The following EIF3J variants were observed in gnomAD, a reference collection of about 807,000 sequenced individuals.
The protein encoded by EIF3J is eukaryotic translation initiation factor 3, subunit 1 (alpha, 35kD).
Under a neutral mutation model 39.0 loss-of-function variants are expected in EIF3J, and 15 were observed. That is an observed-to-expected ratio of 0.38 (90% CI 0.26 to 0.59). The LOEUF is 0.59. EIF3J is among the 20% of genes least tolerant of loss of function. EIF3J has a pLI of 0.60. For synonymous variants in EIF3J, 98 were observed against 112.9 expected, an observed-to-expected ratio of 0.87 and a Z score of 0.84; for missense variants, 226 against 308.6, an observed-to-expected ratio of 0.73 and a Z score of 2.00.
intron 2 of EIF3J, among the ~76,000 whole-genome samples, chr15:44,546,965 G>A (rs890474692): frequency 2.6e-5 from 4 of 151,442 alleles, no homozygotes; most frequent in Admixed American, 2.6e-4. Flanking sequence ...AGGATTACGG[G>A]CGTGCACCAC....
At chr15:44,558,639 C>T (rs554617776) in intron 6 of EIF3J, 27 of 152,156 alleles carry the variant, frequency 1.8e-4, no homozygotes, top group African/African-American at 6.3e-4. Context: ...GGGGTTTCAC[C>T]ATGTTGGCCA....
intron 4 of EIF3J, among the ~76,000 whole-genome samples, chr15:44,553,416 C>T (rs573833283): frequency 6.6e-6 from 1 of 151,730 alleles, no homozygotes; most frequent in African/African-American, 2.4e-5. Context: ...GGTGTGAACT[C>T]AGGAGGCGGA....
chr15:44,542,710 C>T (rs1595798690), intron 2 of EIF3J, among the ~76,000 whole-genome samples: 2 of 152,314 alleles, frequency 1.3e-5, no homozygotes, highest in African/African-American at 4.8e-5. Context: ...CCATCTCTTT[C>T]ATAGAAATAG....
chr15:44,558,460 C>T (rs2082163033), intron 6 of EIF3J, among the ~76,000 whole-genome samples: 2 of 147,478 alleles, frequency 1.4e-5, no homozygotes, highest in South Asian at 4.8e-4. Flanking sequence ...ACCTGGGAGG[C>T]AAAGCTTGCA....
At chr15:44,551,661 C>A in intron 4 of EIF3J, 139 bp downstream of exon 4, 1 of 629,592 alleles carries the variant, frequency 1.6e-6, no homozygotes. Context: ...AAATCCAAAA[C>A]AAATTGATTT....
intron 2 of EIF3J, among the ~76,000 whole-genome samples, chr15:44,548,043 A>T (rs1448873949): frequency 6.6e-6 from 1 of 152,206 alleles, no homozygotes; most frequent in Non-Finnish European, 1.5e-5. Context: ...AAAACATGCA[A>T]GAAAGGCCAA....
intron 3 of EIF3J, 102 bp downstream of exon 3, chr15:44,551,032 G>C (rs902373680): frequency 2.7e-6 from 4 of 1,464,828 alleles, no homozygotes; most frequent in Middle Eastern, 1.8e-4. Flanking sequence ...GGAACATTTT[G>C]GTATTTAGAA....
At chr15:44,544,105 T>TTA in intron 2 of EIF3J, among the ~76,000 whole-genome samples, 1 of 148,800 alleles carries the variant, frequency 6.7e-6, no homozygotes, top group Non-Finnish European at 1.5e-5. Context: ...TTTCTTTTTT[T>TTA]TTTTTTTAGA....
At chr15:44,548,968 A>G (rs1270964595) in intron 2 of EIF3J, among the ~76,000 whole-genome samples, 1 of 152,134 alleles carries the variant, frequency 6.6e-6, no homozygotes, top group Admixed American at 6.6e-5. Flanking sequence ...GCCATTTGGG[A>G]AAAAAATGAA....
intron 4 of EIF3J, among the ~76,000 whole-genome samples, chr15:44,552,481 G>A (rs1331534423): frequency 6.6e-6 from 1 of 152,144 alleles, no homozygotes; most frequent in Non-Finnish European, 1.5e-5. Context: ...CTGACCTCAA[G>A]TGATCTGCCT....
At chr15:44,537,771 T>C (rs1476134754) in intron 2 of EIF3J, among the ~76,000 whole-genome samples, 1 of 152,230 alleles carries the variant, frequency 6.6e-6, no homozygotes. Flanking sequence ...GAATTGAGCC[T>C]TGTAGCTTAT....
chr15:44,558,707 T>C (rs2082165493), intron 6 of EIF3J: 1 of 152,188 alleles, frequency 6.6e-6, no homozygotes, highest in Non-Finnish European at 1.5e-5. Flanking sequence ...CCCAAAGTAC[T>C]GGGATTATAG....
At chr15:44,541,758 T>G (rs989901291) in intron 2 of EIF3J, among the ~76,000 whole-genome samples, 1 of 152,236 alleles carries the variant, frequency 6.6e-6, no homozygotes, top group Non-Finnish European at 1.5e-5. Context: ...TGTGTGTATG[T>G]GTAACTTAAG....
chr15:44,560,881 G>A, intron 7 of EIF3J, 137 bp from the exon 8 acceptor site: 3 of 1,221,098 alleles, frequency 2.5e-6, no homozygotes, highest in Non-Finnish European at 3.3e-6. Context: ...TCCAAAACAT[G>A]TAGGCTCGGA....
chr15:44,546,764 T>C (rs958979624), intron 2 of EIF3J, among the ~76,000 whole-genome samples: 2 of 151,810 alleles, frequency 1.3e-5, no homozygotes, highest in African/African-American at 4.8e-5. Context: ...TGATAATTGG[T>C]TTATATTTAG....
At chr15:44,550,719 C>A in intron 2 of EIF3J, 157 bp from the exon 3 acceptor site, 1 of 558,256 alleles carries the variant, frequency 1.8e-6, no homozygotes, top group Non-Finnish European at 3.2e-6. Flanking sequence ...GGCAGCTCAG[C>A]ATTATAAGAT....
At chr15:44,556,926 A>G (rs2082149543) in intron 5 of EIF3J, among the ~76,000 whole-genome samples, 1 of 152,126 alleles carries the variant, frequency 6.6e-6, no homozygotes, top group Admixed American at 6.6e-5. Context: ...TCCCAAACAA[A>G]ACACTGGGAT....
chr15:44,550,258 T>C (rs2082088180), intron 2 of EIF3J, among the ~76,000 whole-genome samples: 1 of 152,196 alleles, frequency 6.6e-6, no homozygotes, highest in South Asian at 2.1e-4. Flanking sequence ...GGTAGCAGGA[T>C]ATTAACATAT....
chr15:44,537,386 G>C lies in EIF3J; in HGVS notation c.106G>C (p.Gly36Arg), dbSNP rs749155010. ...GGTGGGGGGCGGCGGCACTGCCGGCGGGGACCGCTGGGAAGGCGAGGACGA... is the reference window on the plus strand; with the variant it reads ...GGTGGGGGGCGGCGGCACTGCCGGCCGGGACCGCTGGGAAGGCGAGGACGA... ...RKVGGGGTAG[G>R]DRWEGEDEDE... The change falls in exon 2 of 8, where the codon GGG (glycine) becomes CGG (arginine). Residue 36 changes from glycine (G) to arginine (R), a missense_variant. Gly to Arg is a moderately radical substitution (Grantham distance 125). Coordinates refer to ENST00000261868, the MANE Select transcript of EIF3J (RefSeq NM_003758.4). The C allele has an allele frequency of 6.4e-7, 1 of 1,565,420 alleles. No homozygotes were observed. The highest frequency in any genetic ancestry group is 8.7e-7 in the Non-Finnish European group (1 of 1,154,836).
Sources: gnomAD v4.1 joint callset for allele counts (sites outside exome capture counted in the v4.1 genomes callset) on GRCh38, gnomAD v4.1.1 for gene constraint, MANE v1.5 for transcripts, NCBI Gene and HGNC (gene_info 2026-07-23, HGNC 2026-07-21) for gene names.